The following LDB2 variants were observed in gnomAD, a reference collection of about 807,000 sequenced individuals.
LDB2 encodes the protein LIM domain-binding protein 2.
LDB2 carries 12 observed loss-of-function variants against 44.3 expected under a neutral mutation model. The ratio of observed to expected loss-of-function variants is 0.27; its 90% CI spans 0.17 to 0.44. The LOEUF (loss-of-function observed/expected upper bound fraction) is 0.44, where lower values mean the gene tolerates loss of function less well. Ranked by LOEUF, LDB2 falls within the 20% of genes least tolerant of loss-of-function variation. The pLI is 1.00. For missense variants in LDB2, 344 were observed against 473.5 expected (o/e 0.73, Z 2.54); for synonymous variants, 164 against 174.8 (o/e 0.94, Z 0.49).
chr4:16,721,392 G>T (rs1482357226), intron 2 of LDB2, among the ~76,000 whole-genome samples: 1 of 152,120 alleles, frequency 6.6e-6, no homozygotes, highest in African/African-American at 2.4e-5. Flanking sequence ...CTATGATCAG[G>T]AAGAAGTAGC....
At chr4:16,701,601 G>A (rs1753447783) in intron 2 of LDB2, among the ~76,000 whole-genome samples, 1 of 152,190 alleles carries the variant, frequency 6.6e-6, no homozygotes, top group African/African-American at 2.4e-5. Context: ...TTAAAATGCA[G>A]AGGAGTTAAG....
chr4:16,543,926 C>A (rs1307560408), intron 5 of LDB2, among the ~76,000 whole-genome samples: 2 of 152,084 alleles, frequency 1.3e-5, no homozygotes, highest in Admixed American at 1.3e-4. Flanking sequence ...AGAAAAAAAT[C>A]AAATAATTGT....
intron 2 of LDB2, among the ~76,000 whole-genome samples, chr4:16,623,728 A>G (rs1258445874): frequency 6.6e-6 from 1 of 152,082 alleles, no homozygotes; most frequent in Non-Finnish European, 1.5e-5. Context: ...TGTAAAATGC[A>G]TGGCTTGAAA....
chr4:16,595,871 G>C lies in LDB2; in HGVS notation c.240C>G (p.Ile80Met), dbSNP rs546170586. 1.9e-6 allele frequency: 3 copies of C among 1,612,822 alleles called. No individual in the cohort carries two copies. Among genetic ancestry groups the C allele is most frequent in the Non-Finnish European group, 2.5e-6 (3 of 1,179,370 alleles). ...CLEDGPKRYTIGRTLIPRYFS... is the reference protein window; with the variant it reads ...CLEDGPKRYTMGRTLIPRYFS... ...AGTAACGGGGGATGAGGGTCCTGCC[G>C]ATAGCTGGGAGAGAAACACAGAGAA... is the stretch of plus-strand genomic sequence containing the variant. The change falls in exon 3 of 8, where the codon ATC (isoleucine) becomes ATG (methionine). Residue 80 changes from isoleucine (I) to methionine (M), a missense_variant. Physicochemically the swap from Ile to Met is conservative, Grantham distance 10. Around this residue, in one of 3 missense-constraint regions of LDB2, gnomAD observed 226 missense variants for 270.1 expected, o/e 0.84. Coordinates refer to ENST00000304523, the MANE Select transcript of LDB2 (RefSeq NM_001290.5).
intron 2 of LDB2, among the ~76,000 whole-genome samples, chr4:16,730,925 G>C (rs1579137118): frequency 6.6e-6 from 1 of 152,140 alleles, no homozygotes; most frequent in East Asian, 1.9e-4. Flanking sequence ...TGACTGTCAA[G>C]AATATTGCTA....
chr4:16,731,406 G>A (rs918087651), intron 2 of LDB2, among the ~76,000 whole-genome samples: 1 of 152,130 alleles, frequency 6.6e-6, no homozygotes, highest in Admixed American at 6.5e-5. Flanking sequence ...GGGGCCTTTG[G>A]GATGTTAGAA....
intron 5 of LDB2, among the ~76,000 whole-genome samples, chr4:16,576,501 C>T (rs1711656209): frequency 6.6e-6 from 1 of 151,988 alleles, no homozygotes; most frequent in Non-Finnish European, 1.5e-5. Flanking sequence ...GACAAATTCC[C>T]AGACACAGGC....
chr4:16,867,528 C>T (rs1030331448), intron 1 of LDB2, among the ~76,000 whole-genome samples: 2 of 152,062 alleles, frequency 1.3e-5, no homozygotes, highest in Non-Finnish European at 2.9e-5. Context: ...AAAACAGGAA[C>T]AACTAGAGAA....
At chr4:16,869,455 T>TAA (rs1292890073) in intron 1 of LDB2, among the ~76,000 whole-genome samples, 1 of 152,182 alleles carries the variant, frequency 6.6e-6, no homozygotes, top group Admixed American at 6.5e-5. Context: ...AAGGTGCTTC[T>TAA]AAAACAACTA....
intron 1 of LDB2, among the ~76,000 whole-genome samples, chr4:16,837,834 G>A (rs2110088163): frequency 6.6e-6 from 1 of 152,302 alleles, no homozygotes; most frequent in Middle Eastern, 3.4e-3. Flanking sequence ...CTAAACTTTG[G>A]TATGATATGT....
intron 1 of LDB2, among the ~76,000 whole-genome samples, chr4:16,773,222 T>C (rs1771093540): frequency 6.6e-6 from 1 of 152,172 alleles, no homozygotes; most frequent in Admixed American, 6.5e-5. Flanking sequence ...GTCCCCAACC[T>C]TTTTGGCACC....
intron 2 of LDB2, among the ~76,000 whole-genome samples, chr4:16,719,805 G>A (rs1316597234): frequency 1.3e-5 from 2 of 152,016 alleles, no homozygotes; most frequent in Non-Finnish European, 2.9e-5. Context: ...TATATTATAT[G>A]ACTTGCCAGT....
chr4:16,718,343 T>C (rs16893868), intron 2 of LDB2, among the ~76,000 whole-genome samples: 2,925 of 152,272 alleles, frequency 0.019, 39 homozygotes, highest in Non-Finnish European at 0.028. Flanking sequence ...GTATATATTT[T>C]TCAATCCATT....
intron 5 of LDB2, among the ~76,000 whole-genome samples, chr4:16,563,669 G>A (rs936355905): frequency 2.7e-5 from 4 of 149,504 alleles, no homozygotes; most frequent in Admixed American, 6.7e-5. Flanking sequence ...CATGTTAGCC[G>A]GGATGGTCTT....
At chr4:16,878,720 G>A (rs1427652537) in intron 1 of LDB2, among the ~76,000 whole-genome samples, 2 of 152,182 alleles carry the variant, frequency 1.3e-5, no homozygotes, top group Non-Finnish European at 2.9e-5. Context: ...TCTGAACTAT[G>A]GACAATCAGC....
At chr4:16,691,647 T>C (rs1007110752) in intron 2 of LDB2, among the ~76,000 whole-genome samples, 2 of 152,186 alleles carry the variant, frequency 1.3e-5, no homozygotes, top group African/African-American at 4.8e-5. Flanking sequence ...ACATGTGAGA[T>C]CAATCTCAAC....
At chr4:16,504,605 C>T (rs1037540430) in intron 7 of LDB2, among the ~76,000 whole-genome samples, 1 of 152,112 alleles carries the variant, frequency 6.6e-6, no homozygotes, top group Non-Finnish European at 1.5e-5. Flanking sequence ...CTCATGAAGA[C>T]TGTTAAGGTG....
chr4:16,870,112 G>A (rs570234648), intron 1 of LDB2, among the ~76,000 whole-genome samples: 18 of 152,256 alleles, frequency 1.2e-4, no homozygotes, highest in African/African-American at 3.6e-4. Flanking sequence ...CTGCAGAGGC[G>A]ATCCACGACA....
At chr4:16,776,459 TC>T (rs1771926047) in intron 1 of LDB2, among the ~76,000 whole-genome samples, 1 of 152,136 alleles carries the variant, frequency 6.6e-6, no homozygotes, top group African/African-American at 2.4e-5. Context: ...TCTTCCAAAG[TC>T]CAAGGACAGT....
Sources: gnomAD v4.1 joint callset for allele counts (sites outside exome capture counted in the v4.1 genomes callset) on GRCh38, gnomAD v4.1.1 for gene constraint, gnomAD v4.1.1 regional missense constraint, MANE v1.5 for transcripts, NCBI Gene and HGNC (gene_info 2026-07-23, HGNC 2026-07-21) for gene names.